WWP1: variants seen among roughly 807,000 people sequenced by gnomAD.
WWP1 encodes the protein NEDD4-like E3 ubiquitin-protein ligase WWP1.
WWP1 carries 49 observed loss-of-function variants against 130.6 expected under a neutral mutation model. The observed-to-expected ratio is 0.38, with a 90% CI of 0.30 to 0.48. The LOEUF is 0.48. Ranked by LOEUF, WWP1 falls within the 20% of genes least tolerant of loss-of-function variation. The pLI is 0.99. For synonymous variants in WWP1, 332 were observed against 367.8 expected, an observed-to-expected ratio of 0.90 and a Z score of 1.11; for missense variants, 809 against 1,100.6, an observed-to-expected ratio of 0.74 and a Z score of 3.75.
At chr8:86,440,598 C>T (rs1267742523) in intron 17 of WWP1, 1 of 430,364 alleles carries the variant, frequency 2.3e-6, no homozygotes, top group African/African-American at 2.1e-5. Flanking sequence ...AATAATTTCA[C>T]TGTTGATTGT....
chr8:86,391,140 T>C (rs1433961401), intron 5 of WWP1, among the ~76,000 whole-genome samples: 1 of 152,194 alleles, frequency 6.6e-6, no homozygotes, highest in Admixed American at 6.5e-5. Context: ...TTCCCCAGAA[T>C]CCAACTAACT....
At chr8:86,465,126 C>T (rs1270706811) in intron 24 of WWP1, among the ~76,000 whole-genome samples, 2 of 152,052 alleles carry the variant, frequency 1.3e-5, no homozygotes, top group African/African-American at 2.4e-5. Context: ...GGCAAGTATT[C>T]ATTAGAGGAA....
chr8:86,409,885 T>A (rs1022128173), intron 8 of WWP1, among the ~76,000 whole-genome samples: 1 of 152,130 alleles, frequency 6.6e-6, no homozygotes, highest in African/African-American at 2.4e-5. Context: ...TAAAATGTTT[T>A]ACAATTATTG....
intron 9 of WWP1, among the ~76,000 whole-genome samples, chr8:86,423,917 C>T (rs1292188181): frequency 7.5e-6 from 1 of 133,002 alleles, no homozygotes; most frequent in African/African-American, 2.9e-5. Context: ...CACCTCCCTC[C>T]CAGATGGGGC....
At chr8:86,354,748 T>C (rs1245624421) in intron 1 of WWP1, among the ~76,000 whole-genome samples, 1 of 152,178 alleles carries the variant, frequency 6.6e-6, no homozygotes, top group Non-Finnish European at 1.5e-5. Context: ...TTTCTTTACC[T>C]ACTTTTCTCT....
At chr8:86,457,512 A>G (rs1025925948) in intron 21 of WWP1, among the ~76,000 whole-genome samples, 12 of 151,806 alleles carry the variant, frequency 7.9e-5, no homozygotes, top group African/African-American at 2.7e-4. Flanking sequence ...CACACACCAT[A>G]CCATATATAC....
chr8:86,464,921 G>A (rs936357560), intron 24 of WWP1, among the ~76,000 whole-genome samples: 13 of 82,376 alleles, frequency 1.6e-4, no homozygotes, highest in African/African-American at 4.7e-4. Flanking sequence ...ATGCGCGCGC[G>A]TGTGTGTGTG....
chr8:86,380,597 G>A, intron 3 of WWP1, 129 bp from the exon 4 acceptor site: 1 of 1,068,134 alleles, frequency 9.4e-7, no homozygotes, highest in Non-Finnish European at 1.3e-6. Context: ...CTTTTGTATT[G>A]TTTCTTCATT....
intron 8 of WWP1, among the ~76,000 whole-genome samples, chr8:86,409,081 A>G (rs976615376): frequency 1.3e-5 from 2 of 152,170 alleles, no homozygotes; most frequent in Non-Finnish European, 2.9e-5. Flanking sequence ...CATTTTCACT[A>G]CAAATGAGTT....
chr8:86,373,112 T>A (rs144792972), intron 2 of WWP1, among the ~76,000 whole-genome samples: 17 of 151,652 alleles, frequency 1.1e-4, no homozygotes, highest in Non-Finnish European at 2.2e-4. Flanking sequence ...TTTCTTTTGA[T>A]TCACTAAATA....
intron 21 of WWP1, among the ~76,000 whole-genome samples, chr8:86,455,430 G>C (rs1341755977): frequency 1.3e-5 from 2 of 151,768 alleles, no homozygotes; most frequent in African/African-American, 2.4e-5. Context: ...GAAAATCCTA[G>C]GTAACCCACC....
chr8:86,449,859 TCTAA>T (rs1811080572), intron 20 of WWP1, among the ~76,000 whole-genome samples: 1 of 152,210 alleles, frequency 6.6e-6, no homozygotes, highest in African/African-American at 2.4e-5. Context: ...TACAGTTAAA[TCTAA>T]CTCATTTTTT....
At chr8:86,393,830 G>A (rs571410785) in intron 5 of WWP1, among the ~76,000 whole-genome samples, 47 of 152,268 alleles carry the variant, frequency 3.1e-4, no homozygotes, top group Middle Eastern at 3.4e-3. Flanking sequence ...CCCACACTGC[G>A]TCAGAGATTA....
At chr8:86,444,868 T>C (rs543843925) in intron 18 of WWP1, among the ~76,000 whole-genome samples, 34 of 152,282 alleles carry the variant, frequency 2.2e-4, no homozygotes, top group South Asian at 6.2e-4. Flanking sequence ...TTGCTGATAG[T>C]GATGACTAAG....
chr8:86,464,210 C>T (rs7822494), intron 24 of WWP1, among the ~76,000 whole-genome samples: 82,357 of 151,980 alleles, frequency 0.54, 22,756 homozygotes, highest in Admixed American at 0.63. Flanking sequence ...TCCATAATTA[C>T]CTGACAAGAT....
intron 9 of WWP1, among the ~76,000 whole-genome samples, chr8:86,422,945 T>A (rs1809311401): frequency 6.6e-6 from 1 of 152,148 alleles, no homozygotes; most frequent in South Asian, 2.1e-4. Flanking sequence ...CATATTTCTT[T>A]AAGGCGATTT....
intron 1 of WWP1, among the ~76,000 whole-genome samples, chr8:86,345,642 G>A (rs1822533734): frequency 6.6e-6 from 1 of 151,898 alleles, no homozygotes; most frequent in Non-Finnish European, 1.5e-5. Flanking sequence ...GAACTCCTGA[G>A]CTCAAGTGAT....
rs941260606 is a variant in WWP1, at chr8:86,438,644, A to G, written c.1809A>G (p.Glu603=). 1.2e-6 allele frequency: 2 copies of G among 1,608,878 alleles called. No individual in the cohort carries two copies. Among genetic ancestry groups the G allele is most frequent in the Non-Finnish European group, 1.7e-6 (2 of 1,178,724 alleles). ...GCTTATATGTAATATTTAGAGGAGA[A>G]GAAGGACTTGATTATGGTGGCCTAG... ...RRRLYVIFRG[E]EGLDYGGLAR... Residue 603 remains glutamate (E), a synonymous_variant, in exon 17 of 25, where the codon GAA becomes GAG. Coordinates refer to ENST00000517970, the MANE Select transcript of WWP1 (RefSeq NM_007013.4).
At chr8:86,426,897 G>A (rs1456499105) in intron 10 of WWP1, among the ~76,000 whole-genome samples, 2 of 152,302 alleles carry the variant, frequency 1.3e-5, no homozygotes, top group East Asian at 3.9e-4. Context: ...GGTGGCTCAT[G>A]CCTGTAATCC....
Sources: allele counts gnomAD v4.1 joint callset (sites outside exome capture counted in the v4.1 genomes callset), GRCh38; gene constraint gnomAD v4.1.1; transcripts MANE v1.5; gene names NCBI Gene and HGNC (gene_info 2026-07-23, HGNC 2026-07-21).